The following CTNNA2 variants were observed in gnomAD, a reference collection of about 807,000 sequenced individuals.
CTNNA2 encodes the protein catenin alpha 2.
A neutral mutation model predicts 101.0 loss-of-function variants in CTNNA2; 42 were observed. The observed-to-expected ratio is 0.42, with a 90% confidence interval of 0.32 to 0.54. The LOEUF (loss-of-function observed/expected upper bound fraction) is 0.54. Among genes scored for constraint, CTNNA2 ranks in the 20% least tolerant of loss-of-function variants. The probability of loss-of-function intolerance (pLI) is 0.14; values close to 1 mark genes in which losing one functional copy is unlikely to be tolerated. For synonymous variants in CTNNA2, 450 were observed against 456.4 expected (o/e 0.99, Z 0.18); for missense variants, 871 against 1,223.1 (o/e 0.71, Z 4.29).
At chr2:80,208,651 C>T (rs1383526986) in intron 7 of CTNNA2, among the ~76,000 whole-genome samples, 5 of 152,198 alleles carry the variant, frequency 3.3e-5, no homozygotes, top group Middle Eastern at 3.4e-3. Context: ...TGAGACCTCG[C>T]GTACCATCCC....
Position 80,017,881 on chromosome 2 carries a change from A to T in CTNNA2, c.1056+108084A>T, listed in dbSNP as rs905243872. On this transcript the variant is annotated intron_variant, in intron 7 of 18. Transcript: ENST00000402739. ...CCTACTAGGAGATCTTCCACAAGTC[A>T]CTTAACTTACTTGAACCTCAGAATT... Among the ~76,000 whole-genome samples the T allele has an allele frequency of 4.0e-4, 60 of 151,684 alleles. 1 individual carries two copies. The highest frequency in any genetic ancestry group is 1.4e-3 in the African/African-American group (56 of 41,402).
intron 7 of CTNNA2, among the ~76,000 whole-genome samples, chr2:80,354,917 A>G (rs1042321908): frequency 6.6e-6 from 1 of 152,168 alleles, no homozygotes; most frequent in Non-Finnish European, 1.5e-5. Flanking sequence ...GAGGGTGGAC[A>G]GAGAAGTGTG....
intron 3 of CTNNA2, among the ~76,000 whole-genome samples, chr2:79,328,951 T>C (rs1676809016): frequency 6.6e-6 from 1 of 152,188 alleles, no homozygotes; most frequent in African/African-American, 2.4e-5. Context: ...AATTTTAATC[T>C]CTGCCTCTGT....
intron 7 of CTNNA2, among the ~76,000 whole-genome samples, chr2:80,057,050 T>G (rs930779887): frequency 6.6e-6 from 1 of 152,194 alleles, no homozygotes; most frequent in Non-Finnish European, 1.5e-5. Flanking sequence ...AAAAATTAAT[T>G]CATTCTTTAT....
rs1439769228 is a variant in CTNNA2, at chr2:79,702,031, T to A, written c.103-42356T>A. Among the ~76,000 whole-genome samples the A allele has an allele frequency of 5.0e-4, 66 of 131,146 alleles. 1 individual carries two copies. The highest frequency in any genetic ancestry group is 7.5e-4 in the Non-Finnish European group (47 of 63,036). The allele number at this position is 131,146 out of a possible 152,430, so 86.0% of individuals were successfully genotyped here. ...AAAAAAAAAAAAAAAAAGACTGATG[T>A]GGAAAGAGTATTGCAAGAGAGGTAA... is the stretch of plus-strand genomic sequence containing the variant. On this transcript the variant is annotated intron_variant, in intron 2 of 18. Transcript: ENST00000402739.
chr2:80,601,134 A>G (rs1012401582), intron 15 of CTNNA2, among the ~76,000 whole-genome samples: 2 of 152,038 alleles, frequency 1.3e-5, no homozygotes, highest in African/African-American at 2.4e-5. Context: ...AACCTAACAA[A>G]TAATTCTCGT....
intron 7 of CTNNA2, among the ~76,000 whole-genome samples, chr2:79,994,340 T>C (rs898760962): frequency 1.3e-5 from 2 of 152,210 alleles, no homozygotes; most frequent in African/African-American, 2.4e-5. Context: ...AACCACGAGT[T>C]GCGACATAGT....
intron 2 of CTNNA2, among the ~76,000 whole-genome samples, chr2:79,738,853 A>G (rs758203848): frequency 1.7e-4 from 26 of 152,330 alleles, no homozygotes; most frequent in Admixed American, 1.0e-3. Context: ...AAAAATTGGC[A>G]GTGACTAATG....
intron 6 of CTNNA2, among the ~76,000 whole-genome samples, chr2:79,889,465 G>A (rs981199502): frequency 5.9e-5 from 9 of 152,192 alleles, no homozygotes; most frequent in Admixed American, 2.6e-4. Context: ...ATAGTCGGTT[G>A]TGGTTTGACC....
At chr2:79,302,035 G>T (rs575308569) in intron 2 of CTNNA2, among the ~76,000 whole-genome samples, 1 of 152,210 alleles carries the variant, frequency 6.6e-6, no homozygotes, top group African/African-American at 2.4e-5. Flanking sequence ...GGAGGTTGCA[G>T]TGAGCCGAGG....
At chr2:80,576,546 G>A (rs934070025) in intron 13 of CTNNA2, 2 of 151,756 alleles carry the variant, frequency 1.3e-5, no homozygotes, top group African/African-American at 4.8e-5. Context: ...AATTCACTGT[G>A]AACACGAAAT....
At chr2:80,213,815 G>A (rs1708069932) in intron 7 of CTNNA2, among the ~76,000 whole-genome samples, 1 of 152,126 alleles carries the variant, frequency 6.6e-6, no homozygotes, top group Non-Finnish European at 1.5e-5. Flanking sequence ...ACAGTGGGGT[G>A]TTAAAGTCTC....
At chr2:79,522,836 A>G (rs1264950046) in intron 1 of CTNNA2, among the ~76,000 whole-genome samples, 1 of 152,210 alleles carries the variant, frequency 6.6e-6, no homozygotes, top group Admixed American at 6.5e-5. Flanking sequence ...GTATCTCAAG[A>G]ATCCAATAAC....
chr2:79,526,010 A>G (rs1672383921), intron 1 of CTNNA2, among the ~76,000 whole-genome samples: 1 of 152,046 alleles, frequency 6.6e-6, no homozygotes, highest in Non-Finnish European at 1.5e-5. Context: ...GCTGTTTATG[A>G]ATAGCTGACT....
intron 9 of CTNNA2, among the ~76,000 whole-genome samples, chr2:80,534,563 T>A (rs1255402266): frequency 6.6e-6 from 1 of 152,196 alleles, no homozygotes; most frequent in Admixed American, 6.5e-5. Context: ...GATTCTGTCC[T>A]GCAAGAATTC....
At chr2:79,894,050 CTTCTTCTTCTTCT>C (rs1558619631) in intron 6 of CTNNA2, among the ~76,000 whole-genome samples, 1,365 of 123,400 alleles carry the variant, frequency 0.011, 34 homozygotes, top group African/African-American at 0.027. Context: ...TCTTCTTCTT[CTTCTTCTTCTTCT>C]TCCTCCTCCT....
intron 9 of CTNNA2, among the ~76,000 whole-genome samples, chr2:80,494,270 A>G (rs546222715): frequency 8.5e-5 from 13 of 152,340 alleles, no homozygotes; most frequent in African/African-American, 1.2e-4. Context: ...AGTGCCTGCA[A>G]TGATACTAAC....
At chr2:79,207,605 C>T (rs916288537) in intron 2 of CTNNA2, among the ~76,000 whole-genome samples, 2 of 152,174 alleles carry the variant, frequency 1.3e-5, no homozygotes, top group African/African-American at 2.4e-5. Flanking sequence ...TACGTACCAA[C>T]ATTTGTGAAG....
chr2:79,845,770 T>C (rs1658470769), intron 3 of CTNNA2, among the ~76,000 whole-genome samples: 1 of 152,324 alleles, frequency 6.6e-6, no homozygotes, highest in Admixed American at 6.5e-5. Context: ...TTTCGTTCAT[T>C]ACCCATTGTC....
Sources: allele counts gnomAD v4.1 joint callset (sites outside exome capture counted in the v4.1 genomes callset), GRCh38; gene constraint gnomAD v4.1.1; transcripts MANE v1.5; gene names NCBI Gene and HGNC (gene_info 2026-07-23, HGNC 2026-07-21).